Variants in MCC observed in about 807,000 individuals in gnomAD.
The protein encoded by MCC is colorectal mutant cancer protein.
A neutral mutation model predicts 116.2 loss-of-function variants in MCC; 90 were observed. The ratio of observed to expected loss-of-function variants is 0.77; its 90% CI spans 0.65 to 0.92. The LOEUF is 0.92. Among genes scored for constraint, MCC ranks in the 40% least tolerant of loss-of-function variants. MCC has a pLI of 0.00. For missense variants in MCC, 1,516 were observed against 1,312.2 expected, an observed-to-expected ratio of 1.16 and a Z score of -2.40; for synonymous variants, 578 against 510.5, an observed-to-expected ratio of 1.13 and a Z score of -1.78.
chr5:113,391,005 A>G (rs2150395379), intron 1 of MCC, among the ~76,000 whole-genome samples: 1 of 152,320 alleles, frequency 6.6e-6, no homozygotes, highest in East Asian at 1.9e-4. Flanking sequence ...ATAAAAAGTA[A>G]CAGGTTTCCG....
rs766485823 is a variant in MCC, at chr5:113,101,877, C to A, written c.1260G>T (p.Arg420=). The A allele has an allele frequency of 3.1e-6, 5 of 1,614,006 alleles. No homozygotes were observed. The South Asian group carries it at 5.5e-5, about 18-fold the overall frequency. Reference sequence around the variant, plus strand: ...TCAGCCCAGCCAGCTCCTTCTCCCACCGAGACCTCTCTTCAGCCAGGTTGG... The same window carrying A: ...TCAGCCCAGCCAGCTCCTTCTCCCAACGAGACCTCTCTTCAGCCAGGTTGG... ...LYPNLAEERS[R]WEKELAGLRE... is the part of the protein sequence containing the mutation. The change falls in exon 8 of 19, where the codon CGG becomes CGT. Residue 420 remains arginine, a synonymous_variant. Coordinates refer to ENST00000408903, the MANE Select transcript of MCC (RefSeq NM_001085377.2).
chr5:113,043,571 G>A lies in MCC; in HGVS notation c.2715C>T (p.Ser905=), dbSNP rs561459775. The A allele has an allele frequency of 8.7e-6, 14 of 1,614,142 alleles. No homozygotes were observed. The highest frequency in any genetic ancestry group is 3.3e-5 in the South Asian group (3 of 91,060). ...LSLAELRTTC[S]ENELAAEFTN... is the part of the protein sequence containing the mutation. ...TGAACTCCGCAGCCAGCTCATTCTC[G>A]CTGCACGTTGTCCTGAGTTCGGCTA... Residue 905 remains serine, a synonymous_variant, in exon 17 of 19, where the codon AGC becomes AGT. Transcript: ENST00000408903.
chr5:113,142,048 G>T (rs947995231), intron 5 of MCC, among the ~76,000 whole-genome samples: 2 of 152,068 alleles, frequency 1.3e-5, no homozygotes, highest in African/African-American at 4.8e-5. Flanking sequence ...AAAGCCTTGA[G>T]GTTCTAAATT....
chr5:113,104,407 G>A lies in MCC; in HGVS notation c.1028-52C>T, dbSNP rs1276121963. ...TTACACAGGGCAACAAATGCTGTCT[G>A]TTTTGCTTACCATGAGGGACTCATT... On this transcript the variant is annotated intron_variant, in intron 6 of 18. Transcript: ENST00000408903. The A allele has an allele frequency of 2.0e-6, 3 of 1,516,570 alleles. No homozygotes were observed. The South Asian group carries it at 3.8e-5, about 19-fold the overall frequency. The allele number at this position is 1,516,570 out of a possible 1,614,324, so 93.9% of individuals were successfully genotyped here. A position where few individuals can be genotyped will look rare whatever the true frequency, so the allele number is the denominator to read the frequency against.
chr5:113,345,847 C>T (rs895466517), intron 2 of MCC, among the ~76,000 whole-genome samples: 6 of 152,326 alleles, frequency 3.9e-5, no homozygotes, highest in African/African-American at 4.8e-5. Context: ...CAAGCATTAA[C>T]ACCATCCAGG....
At chr5:113,267,426 T>A (rs1202286251) in intron 3 of MCC, among the ~76,000 whole-genome samples, 2 of 152,190 alleles carry the variant, frequency 1.3e-5, no homozygotes, top group Admixed American at 6.5e-5. Flanking sequence ...CACCCATCAG[T>A]GTTCATATAC....
At chr5:113,293,061 C>A (rs1379435694) in intron 3 of MCC, among the ~76,000 whole-genome samples, 2 of 152,188 alleles carry the variant, frequency 1.3e-5, no homozygotes, top group Admixed American at 1.3e-4. Context: ...TGCTCTACTT[C>A]ATTCAGCCAG....
At chr5:113,071,933 C>T (rs1291631889) in intron 11 of MCC, among the ~76,000 whole-genome samples, 1 of 152,208 alleles carries the variant, frequency 6.6e-6, no homozygotes, top group African/African-American at 2.4e-5. Context: ...CACAGTCTAG[C>T]AGCTCTAACT....
intron 3 of MCC, among the ~76,000 whole-genome samples, chr5:113,184,241 C>G (rs1272366900): frequency 6.6e-6 from 1 of 152,132 alleles, no homozygotes; most frequent in Non-Finnish European, 1.5e-5. Flanking sequence ...TAACCCAAAG[C>G]TCTGTTTCTA....
At chr5:113,265,890 G>A (rs1399881899) in intron 3 of MCC, among the ~76,000 whole-genome samples, 3 of 152,014 alleles carry the variant, frequency 2.0e-5, no homozygotes, top group Non-Finnish European at 2.9e-5. Flanking sequence ...GGAATGCAGG[G>A]CAATCCCTAG....
At chr5:113,130,143 T>C (rs912487599) in intron 5 of MCC, among the ~76,000 whole-genome samples, 1 of 152,212 alleles carries the variant, frequency 6.6e-6, no homozygotes, top group African/African-American at 2.4e-5. Flanking sequence ...TACCATGGAA[T>C]ACTATGCATC....
chr5:113,398,933 T>C (rs1036414801), intron 1 of MCC, among the ~76,000 whole-genome samples: 1 of 152,210 alleles, frequency 6.6e-6, no homozygotes. Context: ...CTGTTCAATA[T>C]GGCAGCCACT....
intron 2 of MCC, among the ~76,000 whole-genome samples, chr5:113,356,416 A>AAT (rs200253932): frequency 9.1e-4 from 134 of 147,986 alleles, no homozygotes; most frequent in Admixed American, 6.1e-3. Flanking sequence ...CAAGTTTTAA[A>AAT]ATATATATAT....
intron 6 of MCC, among the ~76,000 whole-genome samples, chr5:113,112,361 C>T (rs185921864): frequency 6.6e-6 from 1 of 152,248 alleles, no homozygotes; most frequent in African/African-American, 2.4e-5. Flanking sequence ...CCATGTTGTT[C>T]TCATGATAGT....
In MCC at chr5:113,022,956, A is replaced by T. The variant is rs1750251763; in HGVS notation, c.*4346T>A. 6.6e-6 allele frequency: 1 copy of T among 152,228 alleles called. No homozygotes were observed. Among genetic ancestry groups the T allele is most frequent in the African/African-American group, 2.4e-5 (1 of 41,466 alleles). 9.4% of individuals were successfully genotyped at this position (152,228 alleles called of 1,614,324 possible). On this transcript the variant is annotated 3_prime_UTR_variant, in exon 19 of 19. Coordinates refer to ENST00000408903, the MANE Select transcript of MCC (RefSeq NM_001085377.2). The stretch of plus-strand genomic sequence containing the variant: ...TACCCAGTGTAACCTTTAAGCAAAA[A>T]TGTATGGTGATCTGCATGTGAAACT...
chr5:113,121,160 G>A (rs930383656), intron 6 of MCC, among the ~76,000 whole-genome samples: 8 of 152,174 alleles, frequency 5.3e-5, no homozygotes, highest in African/African-American at 1.9e-4. Flanking sequence ...CCTAATCTGA[G>A]CAACAATTTT....
Position 113,142,314 on chromosome 5 carries a change from G to C in MCC, c.884+904C>G, listed in dbSNP as rs1461050852. Among the ~76,000 whole-genome samples the C allele has an allele frequency of 2.6e-5, 4 of 151,796 alleles. No homozygotes were observed. The South Asian group carries it at 6.3e-4, about 24-fold the overall frequency. Reference sequence around the variant, plus strand: ...AAGCGCTCTTTCTCCAAAAAGGTAGGTGCCAGCCACTTGCTGTCCTCAGGC... The same window carrying C: ...AAGCGCTCTTTCTCCAAAAAGGTAGCTGCCAGCCACTTGCTGTCCTCAGGC... On this transcript the variant is annotated intron_variant, in intron 5 of 18. Transcript: ENST00000408903.
At chr5:113,060,241 G>A (rs557311393) in intron 14 of MCC, among the ~76,000 whole-genome samples, 2 of 152,190 alleles carry the variant, frequency 1.3e-5, no homozygotes, top group South Asian at 2.1e-4. Context: ...CACAGCCTCC[G>A]CCTCCTGGGT....
intron 3 of MCC, among the ~76,000 whole-genome samples, chr5:113,293,017 A>G (rs1766567646): frequency 6.6e-6 from 1 of 152,154 alleles, no homozygotes; most frequent in African/African-American, 2.4e-5. Context: ...AGTCTTCTAC[A>G]TCACAGGGGC....
Sources: gnomAD v4.1 joint callset for allele counts (sites outside exome capture counted in the v4.1 genomes callset) on GRCh38, gnomAD v4.1.1 for gene constraint, MANE v1.5 for transcripts, NCBI Gene and HGNC (gene_info 2026-07-23, HGNC 2026-07-21) for gene names.